DIP2B: variants seen among roughly 807,000 people sequenced by gnomAD.
DIP2B encodes the protein disco-interacting protein 2 homolog B.
In DIP2B, 76 loss-of-function variants were observed where a neutral mutation model predicts 198.0. The ratio of observed to expected loss-of-function variants is 0.38; its 90% CI spans 0.32 to 0.46. DIP2B has a LOEUF of 0.46. Ranked by LOEUF, DIP2B falls within the 20% of genes least tolerant of loss-of-function variation. The pLI, the probability that DIP2B is intolerant of heterozygous loss-of-function variation, is 0.99. For synonymous variants in DIP2B, 701 were observed against 739.1 expected (o/e 0.95, Z 0.84); for missense variants, 1,559 against 1,978.4 (o/e 0.79, Z 4.02).
intron 3 of DIP2B, among the ~76,000 whole-genome samples, chr12:50,653,328 C>CTTTTTTTTTTTTTTTTTTTTTTTT (rs71086465): frequency 8.6e-6 from 1 of 116,308 alleles, no homozygotes; most frequent in Non-Finnish European, 1.7e-5. Flanking sequence ...GTCTTTCTTT[C>CTTTTTTTTTTTTTTTTTTTTTTTT]TTTTTTTTTT....
At chr12:50,724,654 T>G (rs1222570707) in intron 27 of DIP2B, 121 bp from the exon 28 acceptor site, 2 of 731,672 alleles carry the variant, frequency 2.7e-6, no homozygotes, top group Non-Finnish European at 4.8e-6. Flanking sequence ...GTCTCACATG[T>G]GTTCTTTGAA....
intron 1 of DIP2B, among the ~76,000 whole-genome samples, chr12:50,518,152 C>T (rs1007917674): frequency 2.6e-5 from 4 of 151,968 alleles, no homozygotes; most frequent in South Asian, 2.1e-4. Flanking sequence ...GCATTCTGGA[C>T]GCATGGCACT....
chr12:50,617,345 T>C (rs979617204), intron 1 of DIP2B, among the ~76,000 whole-genome samples: 8 of 151,718 alleles, frequency 5.3e-5, no homozygotes, highest in African/African-American at 1.2e-4. Context: ...TTAGTAGAGA[T>C]GGGGTTTCAC....
intron 1 of DIP2B, among the ~76,000 whole-genome samples, chr12:50,540,581 C>T (rs1486058523): frequency 7.1e-6 from 1 of 140,366 alleles, no homozygotes; most frequent in Non-Finnish European, 1.5e-5. Context: ...TGGAGTCTCG[C>T]TCTGTCACCC....
chr12:50,675,524 T>C, intron 7 of DIP2B, 76 bp downstream of exon 7: 1 of 1,402,580 alleles, frequency 7.1e-7, no homozygotes. Context: ...TTAGGTACTG[T>C]AGGGTTAAAG....
chr12:50,682,799 C>T lies in DIP2B; in HGVS notation c.1207-339C>T, dbSNP rs1013170573. Among the ~76,000 whole-genome samples, 14 of 152,108 alleles carry T rather than the reference C, an allele frequency of 9.2e-5. 1 individual carries two copies. The highest frequency in any genetic ancestry group is 6.3e-3 in the Middle Eastern group (2 of 316). On this transcript the variant is annotated intron_variant, in intron 9 of 37. Coordinates refer to ENST00000301180, the MANE Select transcript of DIP2B (RefSeq NM_173602.3). ...CATTTATTTTATTGCCTTAGCCCTA[C>T]ACTAAAGTAAATTGCCTTGGGTTTC... is the stretch of plus-strand genomic sequence containing the variant.
chr12:50,576,336 G>A (rs996555854), intron 1 of DIP2B, among the ~76,000 whole-genome samples: 2 of 151,262 alleles, frequency 1.3e-5, no homozygotes, highest in African/African-American at 4.9e-5. Context: ...CAAAGTGCTG[G>A]GATTACAGAT....
At chr12:50,507,473 G>A (rs1030289467) in intron 1 of DIP2B, among the ~76,000 whole-genome samples, 1 of 152,128 alleles carries the variant, frequency 6.6e-6, no homozygotes, top group Admixed American at 6.5e-5. Context: ...TGGAGCTAAG[G>A]TTTGTTCGTT....
At position 50,739,521 on chromosome 12, in the gene DIP2B, C is replaced by A. The variant is rs201892893; in HGVS notation, c.4289C>A (p.Thr1430Lys). 3.1e-6 allele frequency: 5 copies of A among 1,614,200 alleles called. No individual in the cohort carries two copies. The highest frequency in any genetic ancestry group is 3.4e-6 in the Non-Finnish European group (4 of 1,180,030). ...TRLSFGDAAQTLWARTGYLGF... is the reference protein window; with the variant it reads ...TRLSFGDAAQKLWARTGYLGF... ...CTCAGCTTTGGAGATGCAGCTCAGA[C>A]ACTCTGGGCTCGGACAGGATACCTT... Residue 1430 changes from threonine to lysine, a missense_variant, in exon 36 of 38, where the codon ACA becomes AAA. Physicochemically the swap from Thr to Lys is moderately conservative, Grantham distance 78. Transcript: ENST00000301180.
chr12:50,704,336 T>C (rs1293592609), intron 20 of DIP2B, 116 bp downstream of exon 20: 2 of 906,908 alleles, frequency 2.2e-6, no homozygotes, highest in Non-Finnish European at 1.6e-6. Flanking sequence ...ACTTCACTTA[T>C]ATTTAAAGCA....
Position 50,725,766 on chromosome 12 carries a change from G to A in DIP2B, c.3400+880G>A, listed in dbSNP as rs551011315. Reference sequence around the variant, plus strand: ...CTCATTTTGCAGATTAGAAAACTGAGGGAAGTTAAATAAGCAGCAGAACTG... The same window carrying A: ...CTCATTTTGCAGATTAGAAAACTGAAGGAAGTTAAATAAGCAGCAGAACTG... On this transcript the variant is annotated intron_variant, in intron 28 of 37. Transcript: ENST00000301180. Among the ~76,000 whole-genome samples, 5 of 152,078 alleles carry A rather than the reference G, an allele frequency of 3.3e-5. No homozygotes were observed. In the South Asian group the frequency reaches 1.0e-3, roughly 32 times the overall value.
chr12:50,732,154 A>G (rs1320259773), intron 31 of DIP2B, among the ~76,000 whole-genome samples: 3 of 152,252 alleles, frequency 2.0e-5, no homozygotes, highest in Non-Finnish European at 4.4e-5. Flanking sequence ...GGAAAGAACT[A>G]GAGAATGAGC....
Position 50,654,360 on chromosome 12 carries a change from T to C in DIP2B, c.302-5834T>C, listed in dbSNP as rs372566162. On this transcript the variant is annotated intron_variant, in intron 3 of 37. Coordinates refer to ENST00000301180, the MANE Select transcript of DIP2B (RefSeq NM_173602.3). ...AAAGAAAATATTTCTTTCTTTCTTTTTTTTTTTTTTTAAAGATAGAGTGTA... is the reference window on the plus strand; with the variant it reads ...AAAGAAAATATTTCTTTCTTTCTTTCTTTTTTTTTTTAAAGATAGAGTGTA... Among the ~76,000 whole-genome samples the C allele has an allele frequency of 3.6e-4, 54 of 151,704 alleles. No individual in the cohort carries two copies. The East Asian group carries it at 5.6e-3, about 16-fold the overall frequency.
chr12:50,548,685 C>T (rs1958398309), intron 1 of DIP2B, among the ~76,000 whole-genome samples: 1 of 152,080 alleles, frequency 6.6e-6, no homozygotes, highest in South Asian at 2.1e-4. Flanking sequence ...GCCATTGCGA[C>T]TGGCTAATTT....
intron 1 of DIP2B, among the ~76,000 whole-genome samples, chr12:50,597,258 A>C (rs1386881847): frequency 6.6e-6 from 1 of 152,224 alleles, no homozygotes; most frequent in Non-Finnish European, 1.5e-5. Context: ...GGAAACTATT[A>C]ATTATTTGAC....
At chr12:50,586,661 C>T (rs893045220) in intron 1 of DIP2B, among the ~76,000 whole-genome samples, 7 of 151,176 alleles carry the variant, frequency 4.6e-5, no homozygotes, top group Non-Finnish European at 7.4e-5. Context: ...CAACCTCTGC[C>T]TCCCGGGTTC....
chr12:50,705,435 G>A (rs973761613), intron 20 of DIP2B, among the ~76,000 whole-genome samples: 12 of 152,164 alleles, frequency 7.9e-5, no homozygotes, highest in Non-Finnish European at 1.5e-4. Flanking sequence ...GGAGCTCCAA[G>A]CCTTTCATCT....
chr12:50,677,410 T>C (rs1486009703), intron 7 of DIP2B, among the ~76,000 whole-genome samples: 2 of 151,642 alleles, frequency 1.3e-5, no homozygotes, highest in Non-Finnish European at 2.9e-5. Context: ...AATTCAGGAG[T>C]TCAAGACCAG....
intron 3 of DIP2B, among the ~76,000 whole-genome samples, chr12:50,658,770 A>G (rs908405923): frequency 6.6e-6 from 1 of 152,066 alleles, no homozygotes; most frequent in Non-Finnish European, 1.5e-5. Flanking sequence ...TTCTCCTTGT[A>G]TTAGTGGAGG....
Sources: gnomAD v4.1 joint callset for allele counts (sites outside exome capture counted in the v4.1 genomes callset) on GRCh38, gnomAD v4.1.1 for gene constraint, MANE v1.5 for transcripts, NCBI Gene and HGNC (gene_info 2026-07-23, HGNC 2026-07-21) for gene names.